GLI1: variants seen among roughly 807,000 people sequenced by gnomAD.
GLI1 encodes GLI family zinc finger 1.
A neutral mutation model predicts 87.8 loss-of-function variants in GLI1; 51 were observed. That is an observed-to-expected ratio of 0.58 (90% CI 0.46 to 0.73). GLI1 has a LOEUF of 0.73. GLI1 is among the 30% of genes least tolerant of loss of function. The pLI, the probability that GLI1 is intolerant of heterozygous loss-of-function variation, is 0.00. For synonymous variants in GLI1, 528 were observed against 558.2 expected (o/e 0.95, Z 0.76); for missense variants, 1,292 against 1,437.2 (o/e 0.90, Z 1.63).
chr12:57,466,248 C>T lies in GLI1; in HGVS notation c.771C>T (p.Asn257=). Residue 257 remains asparagine, a synonymous_variant, in exon 8 of 12, where the codon AAC becomes AAT. Coordinates refer to ENST00000228682, the MANE Select transcript of GLI1 (RefSeq NM_005269.3). ...DSQEQLVHHI[N]SEHIHGERKE... is the part of the protein sequence containing the mutation. ...TGTATCTTCTCCCTCAGCACATCAA[C>T]AGCGAGCACATCCACGGGGAGCGGA... 6.2e-7 allele frequency: 1 copy of T among 1,613,058 alleles called. No homozygotes were observed. Among genetic ancestry groups the T allele is most frequent in the Non-Finnish European group, 8.5e-7 (1 of 1,179,358 alleles).
At position 57,472,068 on chromosome 12, in the gene GLI1, G is replaced by A. The variant is rs1872045392; in HGVS notation, c.*7G>A. 1 of 1,473,704 alleles carries A rather than the reference G, an allele frequency of 6.8e-7. No homozygotes were observed. The allele number at this position is 1,473,704 out of a possible 1,614,324, so 91.3% of individuals were successfully genotyped here. A position where few individuals can be genotyped will look rare whatever the true frequency, so the allele number is the denominator to read the frequency against. ...CCTCAACTCTAGTGCCTAAAGAGTA[G>A]GGAATCTCATCCATCACAGATCGCA... On this transcript the variant is annotated 3_prime_UTR_variant, in exon 12 of 12. Coordinates refer to ENST00000228682, the MANE Select transcript of GLI1 (RefSeq NM_005269.3).
chr12:57,463,030 A>G (rs550673853), intron 1 of GLI1, among the ~76,000 whole-genome samples: 2 of 152,286 alleles, frequency 1.3e-5, no homozygotes, highest in South Asian at 4.1e-4. Context: ...TACTAAAATC[A>G]CTTGAAGTTA....
In GLI1 at chr12:57,471,099, T is replaced by G; in HGVS notation, c.2359T>G (p.Ser787Ala). The G allele has an allele frequency of 6.2e-7, 1 of 1,613,432 alleles. No homozygotes were observed. The highest frequency in any genetic ancestry group is 8.5e-7 in the Non-Finnish European group (1 of 1,179,810). Residue 787 changes from serine (S) to alanine (A), a missense_variant, in exon 12 of 12, where the codon TCT becomes GCT. This residue lies in a region of GLI1 where 897 missense variants were observed against 1,040.7 expected (regional missense o/e 0.86). Coordinates refer to ENST00000228682, the MANE Select transcript of GLI1 (RefSeq NM_005269.3). The surrounding 1 kb of genome is among the most constrained non-coding windows in gnomAD (Gnocchi z 4.9). ...AACATGGGGTGAGTTCCCTTCCCAC[T>G]CTGGGCTGTACCCAGGCCCCAAGGC... ...QETWGEFPSH[S>A]GLYPGPKALG...
chr12:57,464,631 A>G (rs3817475), intron 3 of GLI1, 42 bp from the exon 4 acceptor site: 830,306 of 1,449,950 alleles, frequency 0.57, 248,250 homozygotes, highest in Middle Eastern at 0.65. Flanking sequence ...ATGGAGAGAC[A>G]TGCCCCTTTA....
At chr12:57,467,545 C>A (rs771953489) in intron 9 of GLI1, 48 bp downstream of exon 9, 3 of 1,458,106 alleles carry the variant, frequency 2.1e-6, no homozygotes, top group African/African-American at 1.4e-5. Flanking sequence ...AGCCACCTAC[C>A]AGGGAGATTC....
rs1871790211 is a variant in GLI1 at position 57,470,346 on chromosome 12, C to T, written c.1606C>T (p.Pro536Ser). 6 of 1,588,308 alleles carry T rather than the reference C, an allele frequency of 3.8e-6. No homozygotes were observed. Among genetic ancestry groups the T allele is most frequent in the African/African-American group, 1.3e-5 (1 of 74,332 alleles). The change falls in exon 12 of 12, where the codon CCA (proline) becomes TCA (serine). Residue 536 changes from proline (P) to serine (S), a missense_variant. Transcript: ENST00000228682. ...CACTGTGTCCCGCCGCGTGGGCCCC[C>T]CAGTCTCTCTTGAACGCCGCAGCAG... ...GTTVSRRVGP[P>S]VSLERRSSSS...
Position 57,470,738 on chromosome 12 carries a change from AC to A in GLI1, c.2001del (p.Thr668LeufsTer51). The A allele has an allele frequency of 6.2e-7, 1 of 1,612,844 alleles. No individual in the cohort carries two copies. Among genetic ancestry groups the A allele is most frequent in the Non-Finnish European group, 8.5e-7 (1 of 1,179,444 alleles). ...FKSLGCVHTP[P>X]TVAGGGQNFD... ...AGAGCCTGGGCTGTGTCCATACCCCACCCACTGTGGCAGGGGGAGGACAGAA... is the reference window on the plus strand; with the variant it reads ...AGAGCCTGGGCTGTGTCCATACCCCACCACTGTGGCAGGGGGAGGACAGAA... On this transcript the variant is annotated frameshift_variant, in exon 12 of 12. Transcript: ENST00000228682. LOFTEE classifies it high-confidence loss of function.
intron 4 of GLI1, 83 bp from the exon 5 acceptor site, chr12:57,465,028 A>G (rs1871381701): frequency 1.4e-6 from 2 of 1,451,166 alleles, no homozygotes; most frequent in Non-Finnish European, 1.9e-6. Flanking sequence ...ACAAATCCCA[A>G]GTCTTCCAGA....
In GLI1 at chr12:57,470,799, C is replaced by A. The variant is rs555605009; in HGVS notation, c.2059C>A (p.Pro687Thr). The A allele has an allele frequency of 6.2e-7, 1 of 1,612,032 alleles. No homozygotes were observed. Among genetic ancestry groups the A allele is most frequent in the Non-Finnish European group, 8.5e-7 (1 of 1,178,808 alleles). The change falls in exon 12 of 12, where the codon CCA becomes ACA. Residue 687 changes from proline to threonine, a missense_variant. Coordinates refer to ENST00000228682, the MANE Select transcript of GLI1 (RefSeq NM_005269.3). ...TTACCTCCCAACCTCTGTCTACTCA[C>A]CACAGCCCCCCAGCATCACTGAGAA... ...DPYLPTSVYSPQPPSITENAA... is the reference protein window; with the variant it reads ...DPYLPTSVYSTQPPSITENAA...
chr12:57,464,937 C>G lies in GLI1; in HGVS notation c.389+69C>G. 2.3e-6 allele frequency: 3 copies of G among 1,317,478 alleles called. No individual in the cohort carries two copies. The South Asian group carries it at 3.6e-5, about 16-fold the overall frequency. The allele number at this position is 1,317,478 out of a possible 1,614,324, so 81.6% of individuals were successfully genotyped here. A position where few individuals can be genotyped will look rare whatever the true frequency, so the allele number is the denominator to read the frequency against. On this transcript the variant is annotated intron_variant, in intron 4 of 11. Coordinates refer to ENST00000228682, the MANE Select transcript of GLI1 (RefSeq NM_005269.3). Reference sequence around the variant, plus strand: ...AAGTCCATTAAAAGTCTCAAGCCCTCAAACTACCTAACCCTATTTGAATCC... The same window carrying G: ...AAGTCCATTAAAAGTCTCAAGCCCTGAAACTACCTAACCCTATTTGAATCC...
At chr12:57,468,909 G>A (rs1312800880) in intron 10 of GLI1, among the ~76,000 whole-genome samples, 2 of 152,086 alleles carry the variant, frequency 1.3e-5, no homozygotes, top group African/African-American at 4.8e-5. Flanking sequence ...CTGCCACCAC[G>A]CCGGGCTAAT....
chr12:57,470,294 C>A (rs1042998750), intron 11 of GLI1, 23 bp from the exon 12 acceptor site: 2 of 1,523,310 alleles, frequency 1.3e-6, no homozygotes, highest in Non-Finnish European at 1.8e-6. Flanking sequence ...GACCATCCTA[C>A]CTTTTCTCCC....
In GLI1 at chr12:57,471,201, C is replaced by T; in HGVS notation, c.2461C>T (p.Pro821Ser). The T allele has an allele frequency of 6.3e-7, 1 of 1,599,808 alleles. No homozygotes were observed. The highest frequency in any genetic ancestry group is 8.5e-7 in the Non-Finnish European group (1 of 1,173,064). Residue 821 changes from proline (P) to serine (S), a missense_variant, in exon 12 of 12, where the codon CCA (proline) becomes TCA (serine). By Grantham distance (74) the Pro-to-Ser change is moderately conservative (BLOSUM62 -1). This residue lies in a region of GLI1 where 897 missense variants were observed against 1,040.7 expected (regional missense o/e 0.86). Coordinates refer to ENST00000228682, the MANE Select transcript of GLI1 (RefSeq NM_005269.3). This position sits in a 1 kb window ranked among gnomAD's most constrained non-coding sequence, Gnocchi z 4.9. The part of the protein sequence containing the change: ...QVQVKPEQGC[P>S]VGSDSTGLAP... ...GCAAGTCAAGCCAGAACAGGGGTGCCCAGTGGGGTCTGACTCCACAGGACT... is the reference window on the plus strand; with the variant it reads ...GCAAGTCAAGCCAGAACAGGGGTGCTCAGTGGGGTCTGACTCCACAGGACT...
In GLI1 at chr12:57,464,830, A is replaced by G; in HGVS notation, c.351A>G (p.Pro117=). The G allele has an allele frequency of 6.2e-7, 1 of 1,614,090 alleles. No individual in the cohort carries two copies. The highest frequency in any genetic ancestry group is 1.6e-4 in the Middle Eastern group (1 of 6,062). The change falls in exon 4 of 12, where the codon CCA becomes CCG. Residue 117 remains proline (P), a synonymous_variant. Transcript: ENST00000228682. ...VAFINSRCTS[P]GGSYGHLSIG... ...TCATCAACTCGCGATGCACATCTCC[A>G]GGAGGCTCCTACGGTCATCTCTCCA...
chr12:57,465,731 C>G, intron 6 of GLI1, 35 bp downstream of exon 6: 1 of 1,613,658 alleles, frequency 6.2e-7, no homozygotes, highest in South Asian at 1.1e-5. Flanking sequence ...CCTCTGGGAC[C>G]TGAGCAAAAC....
At chr12:57,463,337 C>G (rs768411232) in intron 1 of GLI1, among the ~76,000 whole-genome samples, 2 of 152,184 alleles carry the variant, frequency 1.3e-5, no homozygotes, top group African/African-American at 4.8e-5. Context: ...TCTGCCTCAG[C>G]CTTCCGAGTA....
Position 57,470,749 on chromosome 12 carries a change from C to A in GLI1, c.2009C>A (p.Ala670Glu). The A allele has an allele frequency of 6.2e-7, 1 of 1,613,106 alleles. No homozygotes were observed. The change falls in exon 12 of 12, where the codon GCA becomes GAA. Residue 670 changes from alanine to glutamate, a missense_variant. By Grantham distance (107) the Ala-to-Glu change is moderately radical. Around this residue, in one of 3 missense-constraint regions of GLI1, gnomAD observed 897 missense variants for 1,040.7 expected, o/e 0.86. Coordinates refer to ENST00000228682, the MANE Select transcript of GLI1 (RefSeq NM_005269.3). ...LGCVHTPPTV[A>E]GGGQNFDPYL... ...TGTGTCCATACCCCACCCACTGTGG[C>A]AGGGGGAGGACAGAACTTTGATCCT...
At chr12:57,461,307 G>C (rs1345757807) in intron 1 of GLI1, among the ~76,000 whole-genome samples, 1 of 151,984 alleles carries the variant, frequency 6.6e-6, no homozygotes, top group Non-Finnish European at 1.5e-5. Flanking sequence ...TTTTCCCTAG[G>C]GGGCGGGGTC....
Position 57,472,009 on chromosome 12 carries a change from TCTTACTGAGATC to T in GLI1, c.3271_3282del (p.Leu1092_Leu1095del). On this transcript the variant is annotated inframe_deletion, in exon 12 of 12. Transcript: ENST00000228682. ...AACATGGCTGTGGGCAACATGAGTG[TCTTACTGAGATC>T]CCTACCTGGGGAAACAGAATTCCTC... is the stretch of plus-strand genomic sequence containing the variant. 6.5e-7 allele frequency: 1 copy of T among 1,542,698 alleles called. No individual in the cohort carries two copies. Among genetic ancestry groups the T allele is most frequent in the Non-Finnish European group, 8.7e-7 (1 of 1,148,222 alleles).
Sources: gnomAD v4.1 joint callset for allele counts (sites outside exome capture counted in the v4.1 genomes callset) on GRCh38, gnomAD v4.1.1 for gene constraint, gnomAD v4.1.1 regional missense constraint, Gnocchi (gnomAD v3.1) non-coding constraint, MANE v1.5 for transcripts, NCBI Gene and HGNC (gene_info 2026-07-23, HGNC 2026-07-21) for gene names.